Variants in CELF4 observed in about 807,000 individuals in gnomAD.
CELF4 encodes CUGBP Elav-like family member 4.
In CELF4, 18 loss-of-function variants were observed where a neutral mutation model predicts 59.9. The observed-to-expected ratio is 0.30, with a 90% CI of 0.21 to 0.45. The LOEUF (loss-of-function observed/expected upper bound fraction) is 0.45. CELF4 is among the 20% of genes least tolerant of loss of function. The pLI is 1.00. For missense variants in CELF4, 456 were observed against 689.0 expected, an observed-to-expected ratio of 0.66 and a Z score of 3.79; for synonymous variants, 261 against 267.1, an observed-to-expected ratio of 0.98 and a Z score of 0.22.
intron 1 of CELF4, among the ~76,000 whole-genome samples, chr18:37,488,600 C>T (rs1030212539): frequency 2.6e-5 from 4 of 152,024 alleles, no homozygotes; most frequent in Non-Finnish European, 5.9e-5. Context: ...GGTTTTTGCC[C>T]CAAGAGCTCC....
chr18:37,384,729 G>A (rs2099080394), intron 2 of CELF4, among the ~76,000 whole-genome samples: 1 of 152,166 alleles, frequency 6.6e-6, no homozygotes. Context: ...TGGCCAGAGT[G>A]GCTACTGTCA....
intron 8 of CELF4, among the ~76,000 whole-genome samples, chr18:37,267,964 G>A (rs2078504699): frequency 1.3e-5 from 2 of 152,196 alleles, no homozygotes; most frequent in South Asian, 4.2e-4. Flanking sequence ...TTGAACCCGG[G>A]AGGCGGAGGT....
chr18:37,497,618 C>T (rs758892883), intron 1 of CELF4, among the ~76,000 whole-genome samples: 5 of 150,360 alleles, frequency 3.3e-5, no homozygotes, highest in Non-Finnish European at 7.4e-5. Flanking sequence ...CACCACTGTG[C>T]TCCAGCCTCG....
chr18:37,277,408 G>T (rs1602059224), intron 3 of CELF4, among the ~76,000 whole-genome samples: 2 of 152,324 alleles, frequency 1.3e-5, no homozygotes, highest in East Asian at 3.9e-4. Context: ...CATCTCCAGG[G>T]TTCTGCGTGC....
chr18:37,347,318 T>C (rs1272284396), intron 2 of CELF4, among the ~76,000 whole-genome samples: 1 of 152,058 alleles, frequency 6.6e-6, no homozygotes, highest in African/African-American at 2.4e-5. Flanking sequence ...GAAGGGAAGA[T>C]TCATCCGAGG....
chr18:37,531,463 C>A (rs2099969544), intron 1 of CELF4, among the ~76,000 whole-genome samples: 1 of 152,202 alleles, frequency 6.6e-6, no homozygotes. Flanking sequence ...CACCTCGCTG[C>A]TTTTAGCAAG....
At chr18:37,250,392 C>T (rs1325173789) in intron 12 of CELF4, among the ~76,000 whole-genome samples, 1 of 143,844 alleles carries the variant, frequency 7.0e-6, no homozygotes, top group Non-Finnish European at 1.5e-5. Context: ...ACTGTACTCC[C>T]CACAGCTGCC....
intron 2 of CELF4, among the ~76,000 whole-genome samples, chr18:37,414,369 C>T (rs575122697): frequency 3.9e-4 from 60 of 152,104 alleles, no homozygotes; most frequent in African/African-American, 1.3e-3. Context: ...TATCCATCTA[C>T]GCATGTATAC....
chr18:37,498,080 G>C (rs1244184248), intron 1 of CELF4, among the ~76,000 whole-genome samples: 1 of 152,132 alleles, frequency 6.6e-6, no homozygotes, highest in African/African-American at 2.4e-5. Context: ...AGGGACACCT[G>C]AGTGAATCAC....
rs71168258 is a variant in CELF4 at position 37,353,233 on chromosome 18, A to AAAAAT, written c.370-31353_370-31352insATTTT. The stretch of plus-strand genomic sequence containing the variant: ...GAGACTCCGTCTCAAAAAAAAAAAA[A>AAAAAT]ATATATATATATATATACATAAAAG... On this transcript the variant is annotated intron_variant, in intron 2 of 12. Coordinates refer to ENST00000420428, the MANE Select transcript of CELF4 (RefSeq NM_020180.4). Among the ~76,000 whole-genome samples, 765 of 106,922 alleles carry AAAAAT rather than the reference A, an allele frequency of 7.2e-3. 3 individuals are homozygous for AAAAAT. The highest frequency in any genetic ancestry group is 0.02 in the East Asian group (70 of 3,540). 70.1% of individuals were successfully genotyped at this position (106,922 alleles called of 152,430 possible). A position where few individuals can be genotyped will look rare whatever the true frequency, so the allele number is the denominator to read the frequency against.
chr18:37,352,605 T>C (rs1054448825), intron 2 of CELF4, among the ~76,000 whole-genome samples: 1 of 151,228 alleles, frequency 6.6e-6, no homozygotes, highest in Non-Finnish European at 1.5e-5. Flanking sequence ...AAAAAAAAAA[T>C]TAAAAATAAA....
At chr18:37,313,648 A>C (rs1046534249) in intron 3 of CELF4, among the ~76,000 whole-genome samples, 1 of 152,176 alleles carries the variant, frequency 6.6e-6, no homozygotes, top group African/African-American at 2.4e-5. Context: ...CCCGCACTCC[A>C]CAGCTGGTGG....
intron 12 of CELF4, among the ~76,000 whole-genome samples, chr18:37,250,027 T>C (rs970343282): frequency 2.0e-5 from 3 of 152,044 alleles, no homozygotes; most frequent in African/African-American, 7.2e-5. Flanking sequence ...GTGCTAGAAG[T>C]CTGAGAACCT....
intron 2 of CELF4, among the ~76,000 whole-genome samples, chr18:37,378,278 G>T (rs1024627153): frequency 6.6e-6 from 1 of 152,030 alleles, no homozygotes; most frequent in African/African-American, 2.4e-5. Context: ...CTTGTTGCTT[G>T]GGTCGCAGGA....
chr18:37,431,297 T>C (rs2099655260), intron 2 of CELF4, among the ~76,000 whole-genome samples: 1 of 151,616 alleles, frequency 6.6e-6, no homozygotes, highest in Non-Finnish European at 1.5e-5. Context: ...CTTTTCCTGG[T>C]GGGCTTATCA....
At chr18:37,478,147 G>A (rs931756599) in intron 2 of CELF4, among the ~76,000 whole-genome samples, 1 of 152,200 alleles carries the variant, frequency 6.6e-6, no homozygotes, top group Non-Finnish European at 1.5e-5. Context: ...AGTAATGTGA[G>A]TAATGCTGAG....
intron 2 of CELF4, among the ~76,000 whole-genome samples, chr18:37,455,625 G>T (rs2099776042): frequency 6.6e-6 from 1 of 152,228 alleles, no homozygotes; most frequent in Non-Finnish European, 1.5e-5. Flanking sequence ...GACACAGAAT[G>T]TGAGCATGGG....
chr18:37,397,226 G>A (rs957179994), intron 2 of CELF4, among the ~76,000 whole-genome samples: 1 of 152,152 alleles, frequency 6.6e-6, no homozygotes, highest in African/African-American at 2.4e-5. Flanking sequence ...AACTCCTTGC[G>A]GTGCTTGCAC....
At chr18:37,290,482 T>C (rs1485511608) in intron 3 of CELF4, among the ~76,000 whole-genome samples, 2 of 152,200 alleles carry the variant, frequency 1.3e-5, no homozygotes, top group Non-Finnish European at 2.9e-5. Flanking sequence ...TTTTTGATGT[T>C]AAAAATGGCT....
Sources: allele counts gnomAD v4.1 joint callset (sites outside exome capture counted in the v4.1 genomes callset), GRCh38; gene constraint gnomAD v4.1.1; transcripts MANE v1.5; gene names NCBI Gene and HGNC (gene_info 2026-07-23, HGNC 2026-07-21).